NRXN1: variants seen among roughly 807,000 people sequenced by gnomAD.
NRXN1 encodes neurexin 1.
In NRXN1, 39 loss-of-function variants were observed where a neutral mutation model predicts 150.9. The observed-to-expected ratio is 0.26, with a 90% CI of 0.20 to 0.34. The LOEUF (loss-of-function observed/expected upper bound fraction) is 0.34. Ranked by LOEUF, NRXN1 falls within the 10% of genes least tolerant of loss-of-function variation. The pLI, the probability that NRXN1 is intolerant of heterozygous loss-of-function variation, is 1.00. For synonymous variants in NRXN1, 924 were observed against 757.0 expected (o/e 1.22, Z -3.62); for missense variants, 1,815 against 1,949.9 (o/e 0.93, Z 1.30).
chr2:50,235,395 T>C (rs370475068), intron 18 of NRXN1, among the ~76,000 whole-genome samples: 2 of 152,202 alleles, frequency 1.3e-5, no homozygotes, highest in South Asian at 2.1e-4. Context: ...ACATTTTAAA[T>C]TGAAATTTTA....
chr2:50,452,322 A>G (rs1032404217), intron 17 of NRXN1, among the ~76,000 whole-genome samples: 8 of 152,206 alleles, frequency 5.3e-5, no homozygotes, highest in Admixed American at 2.0e-4. Flanking sequence ...AGCCTTAAAC[A>G]TAAGTAAAAA....
At chr2:50,596,848 G>C (rs1228211107) in intron 8 of NRXN1, among the ~76,000 whole-genome samples, 1 of 143,496 alleles carries the variant, frequency 7.0e-6, no homozygotes, top group Non-Finnish European at 1.5e-5. Context: ...GAGGAACGTG[G>C]GAAAATTCCT....
chr2:50,054,244 A>AT (rs1693250370), intron 20 of NRXN1, among the ~76,000 whole-genome samples: 1 of 71,848 alleles, frequency 1.4e-5, no homozygotes, highest in Admixed American at 1.3e-4. Context: ...ACAAAACAAA[A>AT]TGAAAAAAAA....
At chr2:50,635,967 G>A (rs1683181148) in intron 5 of NRXN1, among the ~76,000 whole-genome samples, 1 of 152,148 alleles carries the variant, frequency 6.6e-6, no homozygotes, top group South Asian at 2.1e-4. Context: ...ATCAATTAAT[G>A]TTAGATATTA....
chr2:50,536,953 C>T (rs2093275189), intron 10 of NRXN1, among the ~76,000 whole-genome samples: 1 of 152,148 alleles, frequency 6.6e-6, no homozygotes, highest in African/African-American at 2.4e-5. Flanking sequence ...ACATACCCGT[C>T]TACTGACCCA....
rs746407370 is a variant in NRXN1 at position 50,552,675 on chromosome 2, C to A, written c.1671G>T (p.Gly557=). 1.2e-5 allele frequency: 19 copies of A among 1,613,764 alleles called. No individual in the cohort carries two copies. Among genetic ancestry groups the A allele is most frequent in the Non-Finnish European group, 1.6e-5 (19 of 1,179,732 alleles). The change falls in exon 9 of 23, where the codon GGG becomes GGT. Residue 557 remains glycine (G), a synonymous_variant. Coordinates refer to ENST00000401669, the MANE Select transcript of NRXN1 (RefSeq NM_001330078.2). ...DGHLYLLLDM[G]SGTIKIKALL... is the part of the protein sequence containing the mutation. ...GGGCTTTTATTTTTATAGTACCTGA[C>A]CCCATGTCCAGGAGGAGGTAGAGGT...
intron 5 of NRXN1, among the ~76,000 whole-genome samples, chr2:50,702,265 A>C (rs1435669551): frequency 6.6e-6 from 1 of 152,088 alleles, no homozygotes; most frequent in Non-Finnish European, 1.5e-5. Flanking sequence ...TTTCCAGATA[A>C]CATAGATGAG....
intron 18 of NRXN1, among the ~76,000 whole-genome samples, chr2:50,171,891 G>A (rs2060053492): frequency 6.6e-6 from 1 of 152,068 alleles, no homozygotes; most frequent in Non-Finnish European, 1.5e-5. Context: ...AACTAATTTT[G>A]GTTGCCTGAG....
At chr2:50,500,705 A>G (rs1275300951) in intron 13 of NRXN1, among the ~76,000 whole-genome samples, 2 of 152,232 alleles carry the variant, frequency 1.3e-5, no homozygotes, top group African/African-American at 2.4e-5. Flanking sequence ...CAACAAGACA[A>G]CAACCAAAAC....
chr2:50,456,423 T>C (rs945589117), intron 17 of NRXN1, among the ~76,000 whole-genome samples: 4 of 152,092 alleles, frequency 2.6e-5, no homozygotes, highest in African/African-American at 9.7e-5. Context: ...TATAGAATGC[T>C]ACAAGAGAGT....
At position 50,277,382 on chromosome 2, in the gene NRXN1, G is replaced by GTCCTTCCTTCCTTCCTTCCTTCCT. The variant is rs1159581983; in HGVS notation, c.3365-40413_3365-40412insAGGAAGGAAGGAAGGAAGGAAGGA. Among the ~76,000 whole-genome samples the GTCCTTCCTTCCTTCCTTCCTTCCT allele has an allele frequency of 9.2e-4, 122 of 132,114 alleles. 1 individual carries two copies. Among genetic ancestry groups the GTCCTTCCTTCCTTCCTTCCTTCCT allele is most frequent in the African/African-American group, 1.5e-3 (53 of 35,342 alleles). The allele number at this position is 132,114 out of a possible 152,430, so 86.7% of individuals were successfully genotyped here. A position where few individuals can be genotyped will look rare whatever the true frequency, so the allele number is the denominator to read the frequency against. ...GGCCAAGAGGAACTCAAAAAGGTCC[G>GTCCTTCCTTCCTTCCTTCCTTCCT]TCCTTCCTTCCTTCCTTCCTCCCTC... On this transcript the variant is annotated intron_variant, in intron 17 of 22. Transcript: ENST00000401669.
intron 8 of NRXN1, among the ~76,000 whole-genome samples, chr2:50,585,060 T>C (rs1672873728): frequency 6.6e-6 from 1 of 152,088 alleles, no homozygotes; most frequent in Admixed American, 6.6e-5. Context: ...TTTACATACC[T>C]CACCCTCTTC....
At chr2:50,731,358 A>G (rs552894377) in intron 5 of NRXN1, among the ~76,000 whole-genome samples, 2 of 152,326 alleles carry the variant, frequency 1.3e-5, no homozygotes, top group South Asian at 4.1e-4. Context: ...TATTCTGATT[A>G]TTCTTTTGTA....
intron 17 of NRXN1, among the ~76,000 whole-genome samples, chr2:50,447,778 T>TATATATATATATATATAC (rs1367167277): frequency 1.7e-5 from 2 of 118,716 alleles, no homozygotes; most frequent in African/African-American, 7.1e-5. Flanking sequence ...TATATATATA[T>TATATATATATATATATAC]ACCTAATTCC....
intron 19 of NRXN1, among the ~76,000 whole-genome samples, chr2:50,067,227 C>G (rs1558805350): frequency 2.0e-5 from 3 of 152,186 alleles, no homozygotes. Context: ...GCATGTCTAA[C>G]TAGCTTAAGT....
intron 18 of NRXN1, among the ~76,000 whole-genome samples, chr2:50,192,324 G>C (rs2061494644): frequency 6.6e-6 from 1 of 152,112 alleles, no homozygotes; most frequent in African/African-American, 2.4e-5. Context: ...ATATTGATTA[G>C]AGACTATAAT....
At chr2:50,624,187 T>C (rs1680569016) in intron 5 of NRXN1, among the ~76,000 whole-genome samples, 1 of 152,136 alleles carries the variant, frequency 6.6e-6, no homozygotes, top group South Asian at 2.1e-4. Context: ...ATGTGGCACA[T>C]ATACACCATG....
At chr2:50,051,495 C>T (rs1301990443) in intron 21 of NRXN1, among the ~76,000 whole-genome samples, 1 of 152,062 alleles carries the variant, frequency 6.6e-6, no homozygotes, top group Non-Finnish European at 1.5e-5. Flanking sequence ...TTATTTGTTT[C>T]ATTTTTCCTG....
chr2:50,531,434 G>A lies in NRXN1; in HGVS notation c.2144-4C>T, dbSNP rs1340313788. ...TCATAGCTCAAAACCGTTGCCTCTA[G>A]AGATGGAAAATGAATATGATAAGTT... On this transcript the variant is annotated splice_region_variant and splice_polypyrimidine_tract_variant and intron_variant, in intron 10 of 22. Coordinates refer to ENST00000401669, the MANE Select transcript of NRXN1 (RefSeq NM_001330078.2). 6.2e-7 allele frequency: 1 copy of A among 1,606,496 alleles called. No homozygotes were observed. The highest frequency in any genetic ancestry group is 1.7e-5 in the Admixed American group (1 of 59,114).
Sources: allele counts gnomAD v4.1 joint callset (sites outside exome capture counted in the v4.1 genomes callset), GRCh38; gene constraint gnomAD v4.1.1; transcripts MANE v1.5; gene names NCBI Gene and HGNC (gene_info 2026-07-23, HGNC 2026-07-21).